MANEA: variants seen among roughly 807,000 people sequenced by gnomAD.
MANEA encodes mannosidase endo-alpha.
Under a neutral mutation model 36.8 loss-of-function variants are expected in MANEA, and 25 were observed. That is an observed-to-expected ratio of 0.68 (90% confidence interval 0.50 to 0.95). The LOEUF is 0.95. Among genes scored for constraint, MANEA ranks in the 40% least tolerant of loss-of-function variants. The pLI is 0.00. For synonymous variants in MANEA, 198 were observed against 188.5 expected, an observed-to-expected ratio of 1.05 and a Z score of -0.41; for missense variants, 565 against 558.8, an observed-to-expected ratio of 1.01 and a Z score of -0.11.
intron 3 of MANEA, among the ~76,000 whole-genome samples, chr6:95,598,889 T>C (rs1769535067): frequency 1.3e-5 from 2 of 152,154 alleles, no homozygotes; most frequent in South Asian, 4.1e-4. Context: ...GATTTAAGAA[T>C]GGTTCCAATC....
intron 1 of MANEA, among the ~76,000 whole-genome samples, chr6:95,579,849 T>C (rs2127936640): frequency 6.6e-6 from 1 of 152,308 alleles, no homozygotes; most frequent in South Asian, 2.1e-4. Flanking sequence ...AAGAACCTAT[T>C]GTGTATGAGT....
chr6:95,606,417 A>G lies in MANEA; in HGVS notation c.*12A>G, dbSNP rs1382359056. ...TGCCTGTTTCTTAATGCATTGATTA[A>G]AGTTTAATAGTTATCAAAATCACCT... On this transcript the variant is annotated 3_prime_UTR_variant, in exon 5 of 5. Coordinates refer to ENST00000358812, the MANE Select transcript of MANEA (RefSeq NM_024641.4). 1.5e-5 allele frequency: 23 copies of G among 1,570,458 alleles called. No individual in the cohort carries two copies. The highest frequency in any genetic ancestry group is 2.0e-5 in the Non-Finnish European group (23 of 1,165,734).
At chr6:95,594,197 A>T (rs1037086428) in intron 2 of MANEA, among the ~76,000 whole-genome samples, 1 of 152,232 alleles carries the variant, frequency 6.6e-6, no homozygotes, top group Non-Finnish European at 1.5e-5. Flanking sequence ...TATTTCTTGA[A>T]TACTGTAGTC....
intron 3 of MANEA, among the ~76,000 whole-genome samples, chr6:95,599,062 T>G (rs1027564355): frequency 3.3e-5 from 5 of 152,152 alleles, no homozygotes; most frequent in African/African-American, 1.2e-4. Context: ...TTAGATAATA[T>G]ATGTAAAACA....
chr6:95,587,017 G>A, intron 2 of MANEA, 34 bp downstream of exon 2: 2 of 1,264,840 alleles, frequency 1.6e-6, no homozygotes, highest in Non-Finnish European at 2.3e-6. Flanking sequence ...GTGTGTTTGT[G>A]TCTGTATATA....
At position 95,606,101 on chromosome 6, in the gene MANEA, A is replaced by G. The variant is rs751457497; in HGVS notation, c.1085A>G (p.Asp362Gly). 5 of 1,614,064 alleles carry G rather than the reference A, an allele frequency of 3.1e-6. No homozygotes were observed. Among genetic ancestry groups the G allele is most frequent in the Non-Finnish European group, 4.2e-6 (5 of 1,179,942 alleles). ...FIPSVGPGYI[D>G]TSIRPWNTQN... ...CCAAGTGTGGGCCCAGGATACATAGATACCAGCATCCGTCCATGGAACACG... is the reference window on the plus strand; with the variant it reads ...CCAAGTGTGGGCCCAGGATACATAGGTACCAGCATCCGTCCATGGAACACG... The change falls in exon 5 of 5, where the codon GAT becomes GGT. Residue 362 changes from aspartate to glycine, a missense_variant. Coordinates refer to ENST00000358812, the MANE Select transcript of MANEA (RefSeq NM_024641.4).
chr6:95,602,105 T>C (rs1030682594), intron 3 of MANEA, among the ~76,000 whole-genome samples: 1 of 152,204 alleles, frequency 6.6e-6, no homozygotes, highest in Non-Finnish European at 1.5e-5. Flanking sequence ...TTGGGAATCT[T>C]ACCTAAATCC....
chr6:95,582,424 C>CT (rs1769200666), intron 1 of MANEA, among the ~76,000 whole-genome samples: 1 of 152,078 alleles, frequency 6.6e-6, no homozygotes, highest in African/African-American at 2.4e-5. Context: ...ACCTCGTGAT[C>CT]TGCCTGCCTC....
At chr6:95,585,609 C>A (rs572646579) in intron 1 of MANEA, among the ~76,000 whole-genome samples, 60 of 152,098 alleles carry the variant, frequency 3.9e-4, no homozygotes, top group Non-Finnish European at 7.4e-4. Context: ...GCCATCATGC[C>A]CAGCCTAATG....
intron 1 of MANEA, among the ~76,000 whole-genome samples, chr6:95,578,826 AAACAT>A (rs1176275632): frequency 6.6e-6 from 1 of 152,222 alleles, no homozygotes; most frequent in Admixed American, 6.5e-5. Flanking sequence ...CCTTAATTGA[AAACAT>A]AACCATATAG....
intron 3 of MANEA, among the ~76,000 whole-genome samples, chr6:95,601,102 C>T (rs915419103): frequency 1.3e-5 from 2 of 152,082 alleles, no homozygotes; most frequent in Admixed American, 1.3e-4. Flanking sequence ...TTTTTCAAAG[C>T]GATTTAGTTT....
chr6:95,598,794 CAAGAAA>C (rs1769533797), intron 3 of MANEA, among the ~76,000 whole-genome samples: 1 of 151,886 alleles, frequency 6.6e-6, no homozygotes, highest in Non-Finnish European at 1.5e-5. Flanking sequence ...AAGGATAGAA[CAAGAAA>C]GAGACAGACT....
intron 2 of MANEA, among the ~76,000 whole-genome samples, chr6:95,592,167 G>T (rs572497972): frequency 6.6e-6 from 1 of 152,216 alleles, no homozygotes; most frequent in South Asian, 2.1e-4. Flanking sequence ...GACTTGCCTT[G>T]AAGTTTCCTG....
At chr6:95,585,968 G>T (rs1204984641) in intron 1 of MANEA, among the ~76,000 whole-genome samples, 2 of 152,110 alleles carry the variant, frequency 1.3e-5, no homozygotes, top group Non-Finnish European at 2.9e-5. Flanking sequence ...TTCAAGACCA[G>T]CCTGGTCAAC....
chr6:95,602,194 A>C (rs1316807704), intron 3 of MANEA, among the ~76,000 whole-genome samples: 1 of 152,230 alleles, frequency 6.6e-6, no homozygotes, highest in East Asian at 1.9e-4. Flanking sequence ...TTATGCATGC[A>C]TTCATTCATT....
At chr6:95,587,894 T>G (rs1022569331) in intron 2 of MANEA, among the ~76,000 whole-genome samples, 2 of 152,066 alleles carry the variant, frequency 1.3e-5, no homozygotes, top group African/African-American at 4.8e-5. Context: ...TCTCTTACAT[T>G]ACATATGCGT....
intron 2 of MANEA, among the ~76,000 whole-genome samples, chr6:95,595,746 G>A (rs577841287): frequency 8.6e-5 from 13 of 151,876 alleles, no homozygotes; most frequent in East Asian, 5.8e-4. Context: ...TAAATATTCC[G>A]TCTCCAGTTA....
At chr6:95,578,347 C>T (rs1769112431) in intron 1 of MANEA, among the ~76,000 whole-genome samples, 1 of 151,910 alleles carries the variant, frequency 6.6e-6, no homozygotes, top group South Asian at 2.1e-4. Context: ...TAAGACCCTA[C>T]GGATAAGTGT....
intron 1 of MANEA, among the ~76,000 whole-genome samples, chr6:95,584,424 G>C (rs578197533): frequency 6.6e-6 from 1 of 152,116 alleles, no homozygotes; most frequent in Non-Finnish European, 1.5e-5. Context: ...CTCTGGGAGT[G>C]TCTGTCCTAT....
Sources: allele counts gnomAD v4.1 joint callset (sites outside exome capture counted in the v4.1 genomes callset), GRCh38; gene constraint gnomAD v4.1.1; transcripts MANE v1.5; gene names NCBI Gene and HGNC (gene_info 2026-07-23, HGNC 2026-07-21).